Variants in SAA4 observed in about 807,000 individuals in gnomAD.
SAA4 encodes serum amyloid A4, constitutive.
Under a neutral mutation model 11.2 loss-of-function variants are expected in SAA4, and 8 were observed. The observed-to-expected ratio is 0.71, with a 90% CI of 0.42 to 1.29. SAA4 has a LOEUF of 1.29. SAA4 is among the 50% of genes most tolerant of loss of function. The probability of loss-of-function intolerance (pLI) is 0.01; values close to 1 mark genes in which losing one functional copy is unlikely to be tolerated. For missense variants in SAA4, 171 were observed against 164.2 expected (o/e 1.04, Z -0.23); for synonymous variants, 60 against 56.2 (o/e 1.07, Z -0.30).
At chr11:18,236,082 T>C (rs915332286) in intron 1 of SAA4, among the ~76,000 whole-genome samples, 152 bp from the exon 2 acceptor site, 5 of 151,896 alleles carry the variant, frequency 3.3e-5, no homozygotes, top group Non-Finnish European at 7.4e-5. Flanking sequence ...TTCTTTCTTT[T>C]TTTTTTCCTA....
intron 3 of SAA4, 143 bp downstream of exon 3, chr11:18,232,252 C>A: frequency 7.8e-7 from 1 of 1,286,662 alleles, no homozygotes; most frequent in Non-Finnish European, 1.1e-6. Context: ...GGAGACATGT[C>A]TTCACCAGCC....
At position 18,235,948 on chromosome 11, in the gene SAA4, C is replaced by A. The variant is rs1857201919; in HGVS notation, c.-4-18G>T. The A allele has an allele frequency of 6.3e-7, 1 of 1,597,666 alleles. No homozygotes were observed. The highest frequency in any genetic ancestry group is 1.1e-5 in the South Asian group (1 of 88,680). On this transcript the variant is annotated intron_variant, in intron 1 of 3. Transcript: ENST00000278222. ...TCATTGTGCTGAAGAGAAAGAAAGA[C>A]AGGGGCAGAGGATCATAAAAAAAAA...
Position 18,231,497 on chromosome 11 carries a change from G to GA in SAA4, c.*4dup. 1.9e-6 allele frequency: 3 copies of GA among 1,610,906 alleles called. No homozygotes were observed. The South Asian group carries it at 3.3e-5, about 18-fold the overall frequency. ...AGTTTCCCTGAGAGCAGAGGAGCAG[G>GA]AAGCTCAGTATTTCTTAGGCAGGCC... On this transcript the variant is annotated 3_prime_UTR_variant, in exon 4 of 4. Coordinates refer to ENST00000278222, the MANE Select transcript of SAA4 (RefSeq NM_006512.4).
intron 2 of SAA4, among the ~76,000 whole-genome samples, chr11:18,233,166 C>A (rs12793494): frequency 0.15 from 22,224 of 152,132 alleles, 1,794 homozygotes; most frequent in East Asian, 0.26. Flanking sequence ...CCTGAGAGAG[C>A]TTCATAGGAC....
chr11:18,236,543 T>C (rs941809185), intron 1 of SAA4, among the ~76,000 whole-genome samples, 174 bp downstream of exon 1: 2 of 152,166 alleles, frequency 1.3e-5, no homozygotes, highest in African/African-American at 4.8e-5. Context: ...TGTCACCCAA[T>C]ACAGCAGACT....
chr11:18,234,632 G>A (rs560998225), intron 2 of SAA4, among the ~76,000 whole-genome samples: 13 of 152,282 alleles, frequency 8.5e-5, no homozygotes, highest in African/African-American at 2.9e-4. Context: ...TTGTTACTTA[G>A]GTACTGTGTT....
Position 18,231,559 on chromosome 11 carries a change from G to A in SAA4, c.336C>T (p.Gly112=), listed in dbSNP as rs1309182679. 4.3e-6 allele frequency: 7 copies of A among 1,614,024 alleles called. No homozygotes were observed. The highest frequency in any genetic ancestry group is 1.3e-5 in the African/African-American group (1 of 74,916). Reference sequence around the variant, plus strand: ...AGCGGTCGGGGTCTTTGCCACTCCGGCCCCATTCCTCAGCTTTCTCGTTGG... The same window carrying A: ...AGCGGTCGGGGTCTTTGCCACTCCGACCCCATTCCTCAGCTTTCTCGTTGG... ...SKSNEKAEEW[G]RSGKDPDRFR... The change falls in exon 4 of 4, where the codon GGC becomes GGT. Residue 112 remains glycine, a synonymous_variant. Coordinates refer to ENST00000278222, the MANE Select transcript of SAA4 (RefSeq NM_006512.4).
chr11:18,234,912 C>A (rs940805998), intron 2 of SAA4, among the ~76,000 whole-genome samples: 17 of 152,324 alleles, frequency 1.1e-4, no homozygotes, highest in African/African-American at 4.1e-4. Context: ...TCCCACTTCA[C>A]TTCTAAGATT....
At position 18,232,382 on chromosome 11, in the gene SAA4, G is replaced by T. The variant is rs1857146999; in HGVS notation, c.230+13C>A. On this transcript the variant is annotated intron_variant, in intron 3 of 3. Coordinates refer to ENST00000278222, the MANE Select transcript of SAA4 (RefSeq NM_006512.4). ...GCTGGCCTCTCACTGGAGTCCCCGGGAATCTGTGTTACCTGATGAGTTTAG... is the reference window on the plus strand; with the variant it reads ...GCTGGCCTCTCACTGGAGTCCCCGGTAATCTGTGTTACCTGATGAGTTTAG... 1 of 1,613,346 alleles carries T rather than the reference G, an allele frequency of 6.2e-7. No homozygotes were observed. The highest frequency in any genetic ancestry group is 2.2e-5 in the East Asian group (1 of 44,872).
intron 1 of SAA4, among the ~76,000 whole-genome samples, chr11:18,236,346 G>C (rs1023595164): frequency 2.6e-5 from 4 of 151,714 alleles, no homozygotes; most frequent in Non-Finnish European, 4.4e-5. Context: ...ACAGGCATGA[G>C]CCACTGTGCC....
chr11:18,232,635 T>C, intron 2 of SAA4, 102 bp from the exon 3 acceptor site: 1 of 1,505,380 alleles, frequency 6.6e-7, no homozygotes, highest in South Asian at 1.3e-5. Context: ...CTTGACAAAA[T>C]AATCCTTTGA....
chr11:18,236,047 T>C, intron 1 of SAA4, 117 bp from the exon 2 acceptor site: 1 of 1,049,230 alleles, frequency 9.5e-7, no homozygotes, highest in Non-Finnish European at 1.4e-6. Context: ...TCTTTCTCCT[T>C]CCTTTCTTTC....
chr11:18,235,959 G>GCT, intron 1 of SAA4, 29 bp from the exon 2 acceptor site: 1 of 1,558,762 alleles, frequency 6.4e-7, no homozygotes, highest in Non-Finnish European at 8.7e-7. Context: ...AGGGGCAGAG[G>GCT]ATCATAAAAA....
In SAA4 at chr11:18,231,589, C is replaced by T. The variant is rs201938371; in HGVS notation, c.306G>A (p.Ser102=). Residue 102 remains serine (S), a synonymous_variant, in exon 4 of 4, where the codon TCG becomes TCA. Coordinates refer to ENST00000278222, the MANE Select transcript of SAA4 (RefSeq NM_006512.4). ...ATTCCTCAGCTTTCTCGTTGGACTT[C>T]GAGTCCTCCAATACAGTGCTGCTGT... ...FGNSSTVLED[S]KSNEKAEEWG... The T allele has an allele frequency of 6.8e-6, 11 of 1,614,166 alleles. No individual in the cohort carries two copies. The highest frequency in any genetic ancestry group is 2.2e-5 in the East Asian group (1 of 44,876).
chr11:18,235,689 G>A, intron 2 of SAA4, 147 bp downstream of exon 2: 2 of 738,178 alleles, frequency 2.7e-6, no homozygotes, highest in Non-Finnish European at 4.4e-6. Flanking sequence ...AATCAGACCA[G>A]CCTAGAGGAA....
rs373858778 is a variant in SAA4, at chr11:18,232,584, T to C, written c.92-51A>G. 2.5e-6 allele frequency: 4 copies of C among 1,572,530 alleles called. No homozygotes were observed. The African/African-American group carries it at 4.1e-5, about 16-fold the overall frequency. On this transcript the variant is annotated intron_variant, in intron 2 of 3. Transcript: ENST00000278222. ...TGAACCCAGTGACATACTGGAGAAATGTAGAAATGAACATTTTCCACTGAT... is the reference window on the plus strand; with the variant it reads ...TGAACCCAGTGACATACTGGAGAAACGTAGAAATGAACATTTTCCACTGAT...
Position 18,231,630 on chromosome 11 carries a change from A to G in SAA4, c.265T>C (p.Cys89Arg), listed in dbSNP as rs774517198. 25 of 1,613,916 alleles carry G rather than the reference A, an allele frequency of 1.5e-5. No homozygotes were observed. In the South Asian group the frequency reaches 2.7e-4, roughly 18 times the overall value. ...GTGCTGCTGTTTCCAAATAAATAGCAGTCTATTAATCCCTGAAGATAGACC... is the reference window on the plus strand; with the variant it reads ...GTGCTGCTGTTTCCAAATAAATAGCGGTCTATTAATCCCTGAAGATAGACC... ...SRVYLQGLID[C>R]YLFGNSSTVL... The change falls in exon 4 of 4, where the codon TGC (cysteine) becomes CGC (arginine). Residue 89 changes from cysteine (C) to arginine (R), a missense_variant. Physicochemically the swap from Cys to Arg is radical, Grantham distance 180 (BLOSUM62 -3). Coordinates refer to ENST00000278222, the MANE Select transcript of SAA4 (RefSeq NM_006512.4).
At chr11:18,235,965 A>T (rs1013527334) in intron 1 of SAA4, 35 bp from the exon 2 acceptor site, 26 of 1,513,644 alleles carry the variant, frequency 1.7e-5, no homozygotes, top group Middle Eastern at 1.8e-4. Context: ...AGAGGATCAT[A>T]AAAAAAAACA....
At chr11:18,235,625 C>T (rs2134127868) in intron 2 of SAA4, among the ~76,000 whole-genome samples, 1 of 152,254 alleles carries the variant, frequency 6.6e-6, no homozygotes, top group African/African-American at 2.4e-5. Context: ...AGAGTACAGG[C>T]TGGGCCCAAA....
Sources: allele counts gnomAD v4.1 joint callset (sites outside exome capture counted in the v4.1 genomes callset), GRCh38; gene constraint gnomAD v4.1.1; transcripts MANE v1.5; gene names NCBI Gene and HGNC (gene_info 2026-07-23, HGNC 2026-07-21).